CNTNAP5: variants seen among roughly 807,000 people sequenced by gnomAD.
CNTNAP5 encodes the protein contactin-associated protein-like 5.
In CNTNAP5, 72 loss-of-function variants were observed where a neutral mutation model predicts 150.2. The observed-to-expected ratio is 0.48, with a 90% confidence interval of 0.40 to 0.58. The LOEUF (loss-of-function observed/expected upper bound fraction) is 0.58, where lower values mean the gene tolerates loss of function less well. Ranked by LOEUF, CNTNAP5 falls within the 20% of genes least tolerant of loss-of-function variation. The probability of loss-of-function intolerance (pLI) is 0.00; values close to 1 mark genes in which losing one functional copy is unlikely to be tolerated. For missense variants in CNTNAP5, 1,636 were observed against 1,626.2 expected (o/e 1.01, Z -0.10); for synonymous variants, 672 against 619.8 (o/e 1.08, Z -1.25).
chr2:124,870,081 A>G (rs998276285), intron 21 of CNTNAP5, among the ~76,000 whole-genome samples: 13 of 152,202 alleles, frequency 8.5e-5, no homozygotes, highest in African/African-American at 3.1e-4. Flanking sequence ...GAGTGCATAC[A>G]TTAAGGATTT....
At chr2:124,418,281 T>A (rs1278545229) in intron 4 of CNTNAP5, among the ~76,000 whole-genome samples, 1 of 152,312 alleles carries the variant, frequency 6.6e-6, no homozygotes, top group African/African-American at 2.4e-5. Context: ...GCTTATATGC[T>A]AAAATTCAAT....
At position 124,828,317 on chromosome 2, in the gene CNTNAP5, T is replaced by C. The variant is rs542683516; in HGVS notation, c.3217+29997T>C. ...TAACATGGTGAAATCTCATCTCTACTAAATATAAGAAAAATTAGCCTGGCT... is the reference window on the plus strand; with the variant it reads ...TAACATGGTGAAATCTCATCTCTACCAAATATAAGAAAAATTAGCCTGGCT... On this transcript the variant is annotated intron_variant, in intron 19 of 23. Transcript: ENST00000682447. Among the ~76,000 whole-genome samples, 16 of 152,036 alleles carry C rather than the reference T, an allele frequency of 1.1e-4. No individual in the cohort carries two copies. In the South Asian group the frequency reaches 3.3e-3, roughly 32 times the overall value.
intron 13 of CNTNAP5, among the ~76,000 whole-genome samples, chr2:124,693,466 G>A (rs1353000565): frequency 6.6e-6 from 1 of 152,100 alleles, no homozygotes; most frequent in Non-Finnish European, 1.5e-5. Flanking sequence ...TTAGTATGAG[G>A]ATTCAGAGGT....
intron 1 of CNTNAP5, among the ~76,000 whole-genome samples, chr2:124,176,842 G>GTTTTTTTTTTTTTTTTTTTTTTTTTT (rs71394026): frequency 8.3e-6 from 1 of 119,916 alleles, no homozygotes. Context: ...GTTATTGCTG[G>GTTTTTTTTTTTTTTTTTTTTTTTTTT]TTTTTTTTTT....
rs924915662 is a variant in CNTNAP5 at position 124,121,692 on chromosome 2, C to T, written c.82+95960C>T. On this transcript the variant is annotated intron_variant, in intron 1 of 23. Transcript: ENST00000682447. ...ACACGAGACGTACCTGAGGGAACTC[C>T]TTGCCCCATCCCCCAATCATTCCTA... Among the ~76,000 whole-genome samples, 5 of 152,174 alleles carry T rather than the reference C, an allele frequency of 3.3e-5. No homozygotes were observed. The East Asian group carries it at 7.7e-4, about 23-fold the overall frequency.
chr2:124,235,778 T>C (rs1175690233), intron 2 of CNTNAP5, among the ~76,000 whole-genome samples: 1 of 152,166 alleles, frequency 6.6e-6, no homozygotes, highest in Non-Finnish European at 1.5e-5. Flanking sequence ...TAACCGGGTC[T>C]GATTATTATC....
At chr2:124,111,203 G>A (rs916771576) in intron 1 of CNTNAP5, among the ~76,000 whole-genome samples, 1 of 152,172 alleles carries the variant, frequency 6.6e-6, no homozygotes, top group African/African-American at 2.4e-5. Context: ...AAAGGCCACA[G>A]AGAGCAAAGG....
At chr2:124,201,366 C>T (rs144359668) in intron 1 of CNTNAP5, among the ~76,000 whole-genome samples, 10 of 152,220 alleles carry the variant, frequency 6.6e-5, no homozygotes, top group East Asian at 3.9e-4. Flanking sequence ...CATTGACATT[C>T]GAAAAAGAAG....
chr2:124,541,337 TGGCTGCCATGGTTAAA>T (rs1695380021), intron 10 of CNTNAP5, among the ~76,000 whole-genome samples: 1 of 151,828 alleles, frequency 6.6e-6, no homozygotes, highest in Non-Finnish European at 1.5e-5. Context: ...ATCCCTTCCC[TGGCTGCCATGGTTAAA>T]GGGTCAGGCT....
intron 1 of CNTNAP5, among the ~76,000 whole-genome samples, chr2:124,114,160 C>T (rs950374571): frequency 6.6e-6 from 1 of 151,954 alleles, no homozygotes; most frequent in East Asian, 1.9e-4. Context: ...AAATGTATTG[C>T]GATATCAATT....
At chr2:124,485,998 T>C (rs1369063663) in intron 7 of CNTNAP5, among the ~76,000 whole-genome samples, 2 of 152,144 alleles carry the variant, frequency 1.3e-5, no homozygotes, top group Non-Finnish European at 2.9e-5. Context: ...AGAAAGACAC[T>C]TGGACTTGCA....
chr2:124,184,147 A>G (rs1295379340), intron 1 of CNTNAP5, among the ~76,000 whole-genome samples: 1 of 152,178 alleles, frequency 6.6e-6, no homozygotes, highest in Admixed American at 6.5e-5. Context: ...CAAGACATAT[A>G]CACAAGATGG....
chr2:124,707,823 G>A (rs80073563), intron 13 of CNTNAP5, among the ~76,000 whole-genome samples: 6,388 of 152,156 alleles, frequency 0.042, 485 homozygotes, highest in African/African-American at 0.15. Flanking sequence ...CTCAAGTATC[G>A]TAAATTTCCT....
At position 124,798,259 on chromosome 2, in the gene CNTNAP5, T is replaced by G. The variant is rs751492118; in HGVS notation, c.3156T>G (p.Ser1052Arg). 2 of 1,613,924 alleles carry G rather than the reference T, an allele frequency of 1.2e-6. No homozygotes were observed. The highest frequency in any genetic ancestry group is 2.2e-5 in the South Asian group (2 of 91,084). Residue 1052 changes from serine to arginine, a missense_variant, in exon 19 of 24, where the codon AGT (serine) becomes AGG (arginine). By Grantham distance (110) the Ser-to-Arg change is moderately radical. Coordinates refer to ENST00000682447, the MANE Select transcript of CNTNAP5 (RefSeq NM_001367498.1). ...ALSFVTTQAP[S>R]LLLFINSSSQ... ...GCTTTGTGACAACCCAGGCACCCAG[T>G]CTTTTGCTCTTTATCAATTCTTCTT...
chr2:124,171,305 G>T (rs1352384028), intron 1 of CNTNAP5, among the ~76,000 whole-genome samples: 2 of 152,144 alleles, frequency 1.3e-5, no homozygotes, highest in African/African-American at 4.8e-5. Flanking sequence ...GCTAGATATT[G>T]AACACACAAA....
intron 13 of CNTNAP5, among the ~76,000 whole-genome samples, chr2:124,682,955 G>T (rs1679103442): frequency 6.6e-6 from 1 of 152,210 alleles, no homozygotes; most frequent in Admixed American, 6.5e-5. Flanking sequence ...GTAAACAACT[G>T]CAGTGATCAT....
intron 1 of CNTNAP5, among the ~76,000 whole-genome samples, chr2:124,149,267 A>G (rs963805310): frequency 6.6e-6 from 1 of 152,066 alleles, no homozygotes; most frequent in Admixed American, 6.6e-5. Flanking sequence ...TAATTTTGAT[A>G]AATGAGTAAA....
intron 1 of CNTNAP5, among the ~76,000 whole-genome samples, chr2:124,103,124 T>A (rs187052323): frequency 6.6e-6 from 1 of 152,064 alleles, no homozygotes; most frequent in East Asian, 1.9e-4. Flanking sequence ...GTAACAAGAA[T>A]GTTTCAAAAG....
intron 3 of CNTNAP5, among the ~76,000 whole-genome samples, chr2:124,265,180 G>C (rs1046042953): frequency 6.6e-6 from 1 of 152,124 alleles, no homozygotes; most frequent in Admixed American, 6.6e-5. Flanking sequence ...TCCCCACCTA[G>C]GTGCACAAGG....
Sources: gnomAD v4.1 joint callset for allele counts (sites outside exome capture counted in the v4.1 genomes callset) on GRCh38, gnomAD v4.1.1 for gene constraint, MANE v1.5 for transcripts, NCBI Gene and HGNC (gene_info 2026-07-23, HGNC 2026-07-21) for gene names.